Variants in RIN2 observed in about 807,000 individuals in gnomAD.
The protein encoded by RIN2 is Ras and Rab interactor 2.
In RIN2, 36 loss-of-function variants were observed where a neutral mutation model predicts 78.0. The observed-to-expected ratio is 0.46, with a 90% CI of 0.35 to 0.61. The LOEUF (loss-of-function observed/expected upper bound fraction) is 0.61, where lower values mean the gene tolerates loss of function less well. Among genes scored for constraint, RIN2 ranks in the 20% least tolerant of loss-of-function variants. The pLI, the probability that RIN2 is intolerant of heterozygous loss-of-function variation, is 0.00. For synonymous variants in RIN2, 466 were observed against 466.8 expected, an observed-to-expected ratio of 1.00 and a Z score of 0.02; for missense variants, 1,087 against 1,159.7, an observed-to-expected ratio of 0.94 and a Z score of 0.91.
rs925612154 is a variant in RIN2 at position 19,838,306 on chromosome 20, C to G, written c.-37+38559C>G. Among the ~76,000 whole-genome samples the G allele has an allele frequency of 7.9e-5, 12 of 151,788 alleles. No homozygotes were observed. In the East Asian group the frequency reaches 2.3e-3, roughly 30 times the overall value. On this transcript the variant is annotated intron_variant, in intron 2 of 12. Transcript: ENST00000255006. ...TGGTTAATTAATTAATTTACCCAAT[C>G]AAGTTTAAGAGTGATGTTAATTTTA...
Position 19,770,428 on chromosome 20 carries a change from G to T in RIN2, c.-163+12101G>T, listed in dbSNP as rs150803333. On this transcript the variant is annotated intron_variant, in intron 1 of 12. Transcript: ENST00000255006. ...GCCATGTGAAAAGCCCAGCGCAGAG[G>T]CAAGGAGAAAGCCCTCTGACCCTTA... Among the ~76,000 whole-genome samples, 1,164 of 152,246 alleles carry T rather than the reference G, an allele frequency of 7.6e-3. 16 individuals carry two copies. Among genetic ancestry groups the T allele is most frequent in the African/African-American group, 0.026 (1,100 of 41,544 alleles).
chr20:19,799,554 CTGTGTGGTTGTTCAT>C (rs1301346569), intron 1 of RIN2, 53 bp from the exon 2 acceptor site: 1 of 152,162 alleles, frequency 6.6e-6, no homozygotes, highest in Non-Finnish European at 1.5e-5. Context: ...AGCAAGTCCT[CTGTGTGGTTGTTCAT>C]TGTGTTTTTA....
intron 8 of RIN2, among the ~76,000 whole-genome samples, chr20:19,974,450 G>A (rs1472217869): frequency 6.6e-6 from 1 of 152,158 alleles, no homozygotes; most frequent in Non-Finnish European, 1.5e-5. Flanking sequence ...ACAGACCCCT[G>A]GAGCCTTCCT....
At chr20:19,881,263 G>A (rs2038020166) in intron 2 of RIN2, among the ~76,000 whole-genome samples, 1 of 152,154 alleles carries the variant, frequency 6.6e-6, no homozygotes, top group Non-Finnish European at 1.5e-5. Flanking sequence ...CAGCCATGAT[G>A]GGAGTATTTA....
chr20:19,910,330 G>A (rs923614925), intron 3 of RIN2, among the ~76,000 whole-genome samples: 1 of 151,610 alleles, frequency 6.6e-6, no homozygotes, highest in African/African-American at 2.4e-5. Flanking sequence ...GCGCCACCAT[G>A]CCCAGCTAAT....
At chr20:19,844,574 A>AGCTGCT (rs67145587) in intron 2 of RIN2, among the ~76,000 whole-genome samples, 9 of 139,820 alleles carry the variant, frequency 6.4e-5, no homozygotes, top group South Asian at 2.4e-4. Flanking sequence ...CCAACTAGAG[A>AGCTGCT]GCTGCTGCTG....
intron 2 of RIN2, among the ~76,000 whole-genome samples, chr20:19,880,453 A>G (rs1156959195): frequency 1.7e-5 from 2 of 118,836 alleles, no homozygotes; most frequent in Non-Finnish European, 3.2e-5. Flanking sequence ...CCCAAGCAGG[A>G]GTGCAGTTGC....
intron 3 of RIN2, among the ~76,000 whole-genome samples, chr20:19,893,168 C>T (rs1055833480): frequency 2.6e-5 from 4 of 152,148 alleles, no homozygotes; most frequent in Admixed American, 2.6e-4. Context: ...CCCAAGGAAG[C>T]GGACTTCGAT....
Position 19,920,130 on chromosome 20 carries a change from T to TA in RIN2, c.58-14964dup, listed in dbSNP as rs561432687. On this transcript the variant is annotated intron_variant, in intron 3 of 12. Coordinates refer to ENST00000255006, the MANE Select transcript of RIN2 (RefSeq NM_018993.4). ...TAACACGGTGAAACCCCGTCTCTAC[T>TA]AAAAATACAAAAAAAATTAGCCAGG... Among the ~76,000 whole-genome samples, 573 of 151,914 alleles carry TA rather than the reference T, an allele frequency of 3.8e-3. 3 individuals carry two copies. The highest frequency in any genetic ancestry group is 0.017 in the South Asian group (84 of 4,804).
At chr20:19,942,153 A>G (rs1454525976) in intron 4 of RIN2, among the ~76,000 whole-genome samples, 12 of 151,838 alleles carry the variant, frequency 7.9e-5, no homozygotes, top group Admixed American at 7.9e-4. Context: ...AGTGGATCAT[A>G]TTTACCAAAA....
intron 8 of RIN2, among the ~76,000 whole-genome samples, chr20:19,972,620 C>T (rs1600999135): frequency 6.6e-6 from 1 of 152,226 alleles, no homozygotes; most frequent in Non-Finnish European, 1.5e-5. Flanking sequence ...CACTGTGCCC[C>T]AGACCAAGGA....
At chr20:19,963,369 T>C (rs986531083) in intron 6 of RIN2, among the ~76,000 whole-genome samples, 3 of 152,122 alleles carry the variant, frequency 2.0e-5, no homozygotes, top group Non-Finnish European at 2.9e-5. Context: ...ATCCCAGCAC[T>C]TTGGGAGGCT....
In RIN2 at chr20:20,000,626, T is replaced by C; in HGVS notation, c.2378T>C (p.Val793Ala). Reference protein sequence around the residue: ...SVDDFQNYLRVAFQEVNSGCT... With the variant: ...SVDDFQNYLRAAFQEVNSGCT... ...TTCCACCTGCAGAATTACCTCCGAGTTGCATTTCAGGAGGTCAACAGTGGT... is the reference window on the plus strand; with the variant it reads ...TTCCACCTGCAGAATTACCTCCGAGCTGCATTTCAGGAGGTCAACAGTGGT... The change falls in exon 13 of 13, where the codon GTT becomes GCT. Residue 793 changes from valine to alanine, a missense_variant. Val to Ala is a moderately conservative substitution (Grantham distance 64). Transcript: ENST00000255006. 1 of 1,595,884 alleles carries C rather than the reference T, an allele frequency of 6.3e-7. No homozygotes were observed. Among genetic ancestry groups the C allele is most frequent in the Non-Finnish European group, 8.6e-7 (1 of 1,166,474 alleles).
intron 2 of RIN2, among the ~76,000 whole-genome samples, chr20:19,864,998 AGAC>A: frequency 6.6e-6 from 1 of 152,322 alleles, no homozygotes; most frequent in Middle Eastern, 3.4e-3. Context: ...AGTATCTGAA[AGAC>A]TACCTGAAAA....
chr20:19,846,418 G>A (rs1032208463), intron 2 of RIN2, among the ~76,000 whole-genome samples: 1 of 151,716 alleles, frequency 6.6e-6, no homozygotes, highest in East Asian at 1.9e-4. Context: ...GTAGTGGTTT[G>A]TAGTTCTTGA....
chr20:19,838,523 G>C (rs1201948958), intron 2 of RIN2, among the ~76,000 whole-genome samples: 1 of 152,014 alleles, frequency 6.6e-6, no homozygotes, highest in Non-Finnish European at 1.5e-5. Context: ...TAGACATTTG[G>C]ATTGGGTCCA....
At chr20:19,810,683 CTTTTTTT>C (rs535994979) in intron 2 of RIN2, among the ~76,000 whole-genome samples, 1 of 99,654 alleles carries the variant, frequency 1.0e-5, no homozygotes, top group Non-Finnish European at 2.0e-5. Context: ...TTATAAGGTA[CTTTTTTT>C]TTTTTTTTTT....
intron 10 of RIN2, 84 bp from the exon 11 acceptor site, chr20:19,992,083 TG>T: frequency 6.7e-7 from 1 of 1,497,888 alleles, no homozygotes; most frequent in Non-Finnish European, 9.1e-7. Context: ...AGTGACTCCT[TG>T]CTGTCTAATA....
intron 3 of RIN2, among the ~76,000 whole-genome samples, chr20:19,924,013 C>G (rs1190343145): frequency 1.6e-5 from 2 of 124,836 alleles, no homozygotes; most frequent in African/African-American, 6.1e-5. Flanking sequence ...CCCCCACCTT[C>G]GTATCCCCAC....
Sources: allele counts gnomAD v4.1 joint callset (sites outside exome capture counted in the v4.1 genomes callset), GRCh38; gene constraint gnomAD v4.1.1; transcripts MANE v1.5; gene names NCBI Gene and HGNC (gene_info 2026-07-23, HGNC 2026-07-21).